KCNS1: variants seen among roughly 807,000 people sequenced by gnomAD.
The protein encoded by KCNS1 is potassium voltage-gated channel modifier subfamily S member 1, also known as delayed-rectifier potassium channel regulatory subunit KCNS1.
KCNS1 carries 26 observed loss-of-function variants against 33.1 expected under a neutral mutation model. The observed-to-expected ratio is 0.79, with a 90% CI of 0.58 to 1.09. KCNS1 has a LOEUF of 1.09. KCNS1 is among the 50% of genes least tolerant of loss of function. KCNS1 has a pLI of 0.00. For synonymous variants in KCNS1, 299 were observed against 338.8 expected (o/e 0.88, Z 1.29); for missense variants, 702 against 752.4 (o/e 0.93, Z 0.78).
chr20:45,097,779 G>C lies in KCNS1; in HGVS notation c.993C>G (p.Gly331=), dbSNP rs760362714. Residue 331 remains glycine, a synonymous_variant, in exon 3 of 4, where the codon GGC becomes GGG. Transcript: ENST00000537075. Reference sequence around the variant, plus strand: ...CCTTGCCCAGGTGGCCGAACTCCTTGCCGCCCTGGTCGCCCAGTGCCACAC... The same window carrying C: ...CCTTGCCCAGGTGGCCGAACTCCTTCCCGCCCTGGTCGCCCAGTGCCACAC... The part of the protein sequence containing the change: ...LAGVALGDQG[G]KEFGHLGKVV... 6.2e-7 allele frequency: 1 copy of C among 1,613,358 alleles called. No homozygotes were observed. The highest frequency in any genetic ancestry group is 1.1e-5 in the South Asian group (1 of 91,072).
At position 45,093,641 on chromosome 20, in the gene KCNS1, TGAAGA is replaced by T. The variant is rs1443485882; in HGVS notation, c.*1224_*1228del. 4.6e-5 allele frequency: 7 copies of T among 152,230 alleles called. No individual in the cohort carries two copies. The highest frequency in any genetic ancestry group is 2.1e-4 in the South Asian group (1 of 4,834). The allele number at this position is 152,230 out of a possible 1,614,324, so 9.4% of individuals were successfully genotyped here. A position where few individuals can be genotyped will look rare whatever the true frequency, so the allele number is the denominator to read the frequency against. On this transcript the variant is annotated 3_prime_UTR_variant, in exon 4 of 4. Transcript: ENST00000537075. ...CCCCTCCTCTGACTTTCTCAGCAAG[TGAAGA>T]GAAGATTCAGCAGGTGGGTATGAGA...
At chr20:45,099,466 A>T (rs1453739582) in intron 1 of KCNS1, among the ~76,000 whole-genome samples, 1 of 152,110 alleles carries the variant, frequency 6.6e-6, no homozygotes, top group Non-Finnish European at 1.5e-5. Context: ...AAGTAACATC[A>T]CCTCTCTGAG....
Position 45,098,467 on chromosome 20 carries a change from A to C in KCNS1, c.305T>G (p.Phe102Cys). 6.3e-7 allele frequency: 1 copy of C among 1,575,132 alleles called. No homozygotes were observed. The highest frequency in any genetic ancestry group is 8.6e-7 in the Non-Finnish European group (1 of 1,161,602). The part of the protein sequence containing the change: ...CDDYDEAARE[F>C]YFDRHPGFFL... ...GAAGCCCGGGTGCCGGTCGAAGTAG[A>C]ATTCGCGCGCCGCCTCGTCGTAGTC... The change falls in exon 3 of 4, where the codon TTC (phenylalanine) becomes TGC (cysteine). Residue 102 changes from phenylalanine to cysteine, a missense_variant. This residue lies in a region of KCNS1 where 374 missense variants were observed against 352.3 expected (regional missense o/e 1.06). Coordinates refer to ENST00000537075, the MANE Select transcript of KCNS1 (RefSeq NM_001322799.2). This position sits in a 1 kb window ranked among gnomAD's most constrained non-coding sequence, Gnocchi z 5.2.
rs2060529161 is a variant in KCNS1, at chr20:45,098,417, G to C, written c.355C>G (p.Arg119Gly). The change falls in exon 3 of 4, where the codon CGC becomes GGC. Residue 119 changes from arginine to glycine, a missense_variant. Arg to Gly is a moderately radical substitution (Grantham distance 125). Around this residue, in one of 3 missense-constraint regions of KCNS1, gnomAD observed 374 missense variants for 352.3 expected, o/e 1.06. Transcript: ENST00000537075. The surrounding 1 kb of genome is among the most constrained non-coding windows in gnomAD (Gnocchi z 5.2). ...GFFLSLLHFYRTGHLHVLDEL... is the reference protein window; with the variant it reads ...GFFLSLLHFYGTGHLHVLDEL... ...TCGAGCACGTGCAGGTGGCCAGTGC[G>C]GTAGAAGTGCAGCAGGCTCAGGAAG... is the stretch of plus-strand genomic sequence containing the variant. 1 of 1,596,936 alleles carries C rather than the reference G, an allele frequency of 6.3e-7. No individual in the cohort carries two copies. Among genetic ancestry groups the C allele is most frequent in the Non-Finnish European group, 8.5e-7 (1 of 1,172,346 alleles).
rs576183861 is a variant in KCNS1, at chr20:45,096,657, C to T, written c.1110+1005G>A. On this transcript the variant is annotated intron_variant, in intron 3 of 3. Transcript: ENST00000537075. ...GAGCCAGGCACAGGTGGGTTCTTCTCTGGGTTCTACTGCTTATTGAGGAAC... is the reference window on the plus strand; with the variant it reads ...GAGCCAGGCACAGGTGGGTTCTTCTTTGGGTTCTACTGCTTATTGAGGAAC... 2.0e-5 allele frequency among the ~76,000 whole-genome samples: 3 copies of T among 152,306 alleles called. No individual in the cohort carries two copies. In the East Asian group the frequency reaches 5.8e-4, roughly 29 times the overall value.
rs1293352662 is a variant in KCNS1 at position 45,097,895 on chromosome 20, G to T, written c.877C>A (p.Leu293Met). 6.2e-7 allele frequency: 1 copy of T among 1,608,842 alleles called. No homozygotes were observed. Among genetic ancestry groups the T allele is most frequent in the Non-Finnish European group, 8.5e-7 (1 of 1,177,794 alleles). The change falls in exon 3 of 4, where the codon CTG becomes ATG. Residue 293 changes from leucine (L) to methionine (M), a missense_variant. Coordinates refer to ENST00000537075, the MANE Select transcript of KCNS1 (RefSeq NM_001322799.2). ...FSFEVSSRLL[L>M]APSTRNFFCH... ...AAGAAGTTGCGCGTACTGGGCGCCAGCAGGAGGCGCGACGACACCTCGAAG... is the reference window on the plus strand; with the variant it reads ...AAGAAGTTGCGCGTACTGGGCGCCATCAGGAGGCGCGACGACACCTCGAAG...
chr20:45,098,368 C>T lies in KCNS1; in HGVS notation c.404G>A (p.Gly135Asp). 1 of 1,581,214 alleles carries T rather than the reference C, an allele frequency of 6.3e-7. No individual in the cohort carries two copies. The highest frequency in any genetic ancestry group is 8.6e-7 in the Non-Finnish European group (1 of 1,163,940). Residue 135 changes from glycine to aspartate, a missense_variant, in exon 3 of 4, where the codon GGC (glycine) becomes GAC (aspartate). Coordinates refer to ENST00000537075, the MANE Select transcript of KCNS1 (RefSeq NM_001322799.2). The surrounding 1 kb of genome is among the most constrained non-coding windows in gnomAD (Gnocchi z 5.2). ...VLDELCVFAF[G>D]QEADYWGLGE... ...TAGGCCCCAGTAGTCGGCCTCCTGG[C>T]CAAAGGCGAAGACGCACAGCTCGTC...
At position 45,095,197 on chromosome 20, in the gene KCNS1, G is replaced by A; in HGVS notation, c.1254C>T (p.Ser418=). Reference sequence around the variant, plus strand: ...CATCCCCATAGCCCACGGTGGTCATGCTCACTGTGCCCCACCACCAGCAGG... The same window carrying A: ...CATCCCCATAGCCCACGGTGGTCATACTCACTGTGCCCCACCACCAGCAGG... The part of the protein sequence containing the change: ...IPACWWWGTV[S]MTTVGYGDVV... The change falls in exon 4 of 4, where the codon AGC becomes AGT. Residue 418 remains serine (S), a synonymous_variant. Coordinates refer to ENST00000537075, the MANE Select transcript of KCNS1 (RefSeq NM_001322799.2). The A allele has an allele frequency of 6.2e-7, 1 of 1,614,096 alleles. No individual in the cohort carries two copies. The highest frequency in any genetic ancestry group is 8.5e-7 in the Non-Finnish European group (1 of 1,180,018).
In KCNS1 at chr20:45,098,559, G is replaced by A; in HGVS notation, c.213C>T (p.Phe71=). The A allele has an allele frequency of 7.1e-7, 1 of 1,403,588 alleles. No individual in the cohort carries two copies. Among genetic ancestry groups the A allele is most frequent in the Non-Finnish European group, 9.3e-7 (1 of 1,077,214 alleles). 86.9% of individuals were successfully genotyped at this position (1,403,588 alleles called of 1,614,324 possible). A position where few individuals can be genotyped will look rare whatever the true frequency, so the allele number is the denominator to read the frequency against. The change falls in exon 3 of 4, where the codon TTC becomes TTT. Residue 71 remains phenylalanine (F), a synonymous_variant. Transcript: ENST00000537075. This position sits in a 1 kb window ranked among gnomAD's most constrained non-coding sequence, Gnocchi z 5.2. ...RQLSARALAR[F]PGTRLGRLQA... ...GCAGGCGGCCCAGCCGCGTGCCCGGGAAGCGCGCCAGGGCGCGCGCGCTCA... is the reference window on the plus strand; with the variant it reads ...GCAGGCGGCCCAGCCGCGTGCCCGGAAAGCGCGCCAGGGCGCGCGCGCTCA...
In KCNS1 at chr20:45,097,703, G is replaced by A; in HGVS notation, c.1069C>T (p.Arg357Cys). ...AGCGAGCGCAGCCCGGTGGAATGGC[G>A]CGCCAACTTGAGTACGCGGAAGATG... ...MRIFRVLKLARHSTGLRSLGA... is the reference protein window; with the variant it reads ...MRIFRVLKLACHSTGLRSLGA... Residue 357 changes from arginine (R) to cysteine (C), a missense_variant, in exon 3 of 4, where the codon CGC becomes TGC. Transcript: ENST00000537075. The A allele has an allele frequency of 6.2e-7, 1 of 1,610,090 alleles. No homozygotes were observed. Among genetic ancestry groups the A allele is most frequent in the South Asian group, 1.1e-5 (1 of 90,998 alleles).
chr20:45,099,206 A>AGT lies in KCNS1; in HGVS notation c.29_30dup (p.Tyr11ThrfsTer15). 6.5e-7 allele frequency: 1 copy of AGT among 1,548,766 alleles called. No individual in the cohort carries two copies. Among genetic ancestry groups the AGT allele is most frequent in the Non-Finnish European group, 8.7e-7 (1 of 1,144,368 alleles). On this transcript the variant is annotated frameshift_variant, in exon 2 of 4. Coordinates refer to ENST00000537075, the MANE Select transcript of KCNS1 (RefSeq NM_001322799.2). LOFTEE classifies it high-confidence loss of function. ...ACCACTTTAGACCGGAGGTTCTCAT[A>AGT]GTGTGTTCCCCGGACCAGCAGCATC...
rs367800622 is a variant in KCNS1 at position 45,095,047 on chromosome 20, C to A, written c.1404G>T (p.Lys468Asn). The change falls in exon 4 of 4, where the codon AAG (lysine) becomes AAT (asparagine). Residue 468 changes from lysine to asparagine, a missense_variant. Lys to Asn is a moderately conservative substitution (Grantham distance 94). Transcript: ENST00000537075. ...TGTTGCGCACGGCTGCCTCCAGAGC[C>A]TTCTGGCGCCGGTAGAAGTGGGAGA... is the stretch of plus-strand genomic sequence containing the variant. ...NKFSHFYRRQ[K>N]ALEAAVRNSN... The A allele has an allele frequency of 1.1e-4, 177 of 1,613,850 alleles. No homozygotes were observed. Among genetic ancestry groups the A allele is most frequent in the Non-Finnish European group, 1.4e-4 (169 of 1,180,018 alleles).
intron 3 of KCNS1, 51 bp from the exon 4 acceptor site, chr20:45,095,391 G>A (rs1981153176): frequency 6.7e-7 from 1 of 1,500,610 alleles, no homozygotes; most frequent in Non-Finnish European, 9.0e-7. Context: ...TTACAGTCCT[G>A]GTATTAGGCA....
At position 45,094,735 on chromosome 20, in the gene KCNS1, G is replaced by A; in HGVS notation, c.*135C>T. ...CACTGTCCTGTCCTGGGCCTTTGGA[G>A]GAAGGAATGCAGCTTTTGAATCTCA... On this transcript the variant is annotated 3_prime_UTR_variant, in exon 4 of 4. Transcript: ENST00000537075. The A allele has an allele frequency of 1.3e-6, 1 of 771,132 alleles. No homozygotes were observed. Among genetic ancestry groups the A allele is most frequent in the South Asian group, 1.7e-5 (1 of 58,828 alleles). The allele number at this position is 771,132 out of a possible 1,614,324, so 47.8% of individuals were successfully genotyped here.
intron 1 of KCNS1, chr20:45,100,425 T>C (rs1372109127): frequency 6.6e-6 from 1 of 152,240 alleles, no homozygotes; most frequent in African/African-American, 2.4e-5. Flanking sequence ...AAGCATAATA[T>C]TGGGCAAATC....
chr20:45,098,475 C>A lies in KCNS1; in HGVS notation c.297G>T (p.Ala99=). The change falls in exon 3 of 4, where the codon GCG becomes GCT. Residue 99 remains alanine, a synonymous_variant. Transcript: ENST00000537075. This position sits in a 1 kb window ranked among gnomAD's most constrained non-coding sequence, Gnocchi z 5.2. ...RRLCDDYDEA[A]REFYFDRHPG... is the part of the protein sequence containing the mutation. Reference sequence around the variant, plus strand: ...GGTGCCGGTCGAAGTAGAATTCGCGCGCCGCCTCGTCGTAGTCGTCGCACA... The same window carrying A: ...GGTGCCGGTCGAAGTAGAATTCGCGAGCCGCCTCGTCGTAGTCGTCGCACA... The A allele has an allele frequency of 6.4e-7, 1 of 1,567,960 alleles. No individual in the cohort carries two copies. Among genetic ancestry groups the A allele is most frequent in the Admixed American group, 1.8e-5 (1 of 54,568 alleles).
intron 3 of KCNS1, among the ~76,000 whole-genome samples, chr20:45,096,978 A>AC (rs1325131439): frequency 6.6e-6 from 1 of 151,564 alleles, no homozygotes; most frequent in Non-Finnish European, 1.5e-5. Flanking sequence ...TGCTAATTTC[A>AC]CCCCCCTTGA....
chr20:45,095,326 C>T lies in KCNS1; in HGVS notation c.1125G>A (p.Glu375=). 1 of 1,612,638 alleles carries T rather than the reference C, an allele frequency of 6.2e-7. No homozygotes were observed. Among genetic ancestry groups the T allele is most frequent in the South Asian group, 1.1e-5 (1 of 91,004 alleles). Residue 375 remains glutamate (E), a synonymous_variant, in exon 4 of 4, where the codon GAG becomes GAA. Transcript: ENST00000537075. ...CCAGGTACAGCAGCAAGATGCCCACCTCACGGTAGCTGTGCTGAAAGAGAA... is the reference window on the plus strand; with the variant it reads ...CCAGGTACAGCAGCAAGATGCCCACTTCACGGTAGCTGTGCTGAAAGAGAA... ...LGATLKHSYR[E]VGILLLYLAV... is the part of the protein sequence containing the mutation.
At chr20:45,096,490 G>A (rs1981188926) in intron 3 of KCNS1, among the ~76,000 whole-genome samples, 1 of 152,130 alleles carries the variant, frequency 6.6e-6, no homozygotes, top group Non-Finnish European at 1.5e-5. Context: ...ATTCTGCCTA[G>A]GTCATCTGCC....
Sources: allele counts gnomAD v4.1 joint callset (sites outside exome capture counted in the v4.1 genomes callset), GRCh38; gene constraint gnomAD v4.1.1; regional missense constraint gnomAD v4.1.1; non-coding constraint Gnocchi (gnomAD v3.1); transcripts MANE v1.5; gene names NCBI Gene and HGNC (gene_info 2026-07-23, HGNC 2026-07-21).